Variants in ADGRL3 observed in about 807,000 individuals in gnomAD.
ADGRL3 encodes the protein adhesion G protein-coupled receptor L3.
Under a neutral mutation model 153.5 loss-of-function variants are expected in ADGRL3, and 62 were observed. That is an observed-to-expected ratio of 0.40 (90% CI 0.33 to 0.50). The LOEUF is 0.50. Ranked by LOEUF, ADGRL3 falls within the 20% of genes least tolerant of loss-of-function variation. The probability of loss-of-function intolerance (pLI) is 0.47; values close to 1 mark genes in which losing one functional copy is unlikely to be tolerated. For synonymous variants in ADGRL3, 710 were observed against 672.5 expected (o/e 1.06, Z -0.86); for missense variants, 1,641 against 1,859.4 (o/e 0.88, Z 2.16).
chr4:61,580,983 A>G (rs1236027933), intron 4 of ADGRL3, among the ~76,000 whole-genome samples: 3 of 152,100 alleles, frequency 2.0e-5, no homozygotes, highest in Non-Finnish European at 4.4e-5. Flanking sequence ...AACTGTGAAC[A>G]CATTTTAAAA....
intron 2 of ADGRL3, among the ~76,000 whole-genome samples, chr4:61,459,836 G>A (rs1299003077): frequency 6.6e-6 from 1 of 151,990 alleles, no homozygotes; most frequent in African/African-American, 2.4e-5. Context: ...TAGTGCAACT[G>A]TGCAAAACTT....
chr4:61,392,563 G>A (rs2096822052), intron 2 of ADGRL3, among the ~76,000 whole-genome samples: 2 of 151,390 alleles, frequency 1.3e-5, no homozygotes, highest in South Asian at 4.2e-4. Flanking sequence ...GCTTGTGCCT[G>A]TAGTCCCAGC....
chr4:61,831,167 G>A (rs2097863649), intron 9 of ADGRL3, among the ~76,000 whole-genome samples: 1 of 152,050 alleles, frequency 6.6e-6, no homozygotes. Flanking sequence ...GGGATTACAG[G>A]CGTGAGCCAC....
At chr4:62,046,791 C>A (rs1249872809) in intron 25 of ADGRL3, among the ~76,000 whole-genome samples, 1 of 151,848 alleles carries the variant, frequency 6.6e-6, no homozygotes, top group African/African-American at 2.4e-5. Flanking sequence ...ATTTCTTAGT[C>A]CCCCTCAAGT....
chr4:61,558,178 A>ATG (rs2098777044), intron 4 of ADGRL3, among the ~76,000 whole-genome samples: 1 of 144,688 alleles, frequency 6.9e-6, no homozygotes, highest in South Asian at 2.1e-4. Context: ...GGAATCATAT[A>ATG]TATATATATA....
intron 5 of ADGRL3, among the ~76,000 whole-genome samples, chr4:61,616,720 T>C (rs1401456837): frequency 1.3e-5 from 2 of 152,348 alleles, no homozygotes; most frequent in East Asian, 3.9e-4. Context: ...CTATTCCTCA[T>C]GCTATATGAT....
intron 9 of ADGRL3, among the ~76,000 whole-genome samples, chr4:61,849,153 T>A (rs185301862): frequency 1.1e-3 from 174 of 152,312 alleles, no homozygotes; most frequent in Middle Eastern, 3.4e-3. Flanking sequence ...GATTCCTTTT[T>A]TCTCCACTTT....
At chr4:61,430,203 G>A (rs895437100) in intron 2 of ADGRL3, among the ~76,000 whole-genome samples, 12 of 152,002 alleles carry the variant, frequency 7.9e-5, no homozygotes, top group African/African-American at 2.2e-4. Context: ...ATCCTATATG[G>A]CTACATATTT....
At chr4:62,048,992 T>A (rs1286013336) in intron 25 of ADGRL3, among the ~76,000 whole-genome samples, 1 of 152,198 alleles carries the variant, frequency 6.6e-6, no homozygotes, top group Non-Finnish European at 1.5e-5. Context: ...GAAATTAGGA[T>A]ATTTTCTGAA....
At chr4:61,847,126 TA>T in intron 9 of ADGRL3, among the ~76,000 whole-genome samples, 1 of 152,014 alleles carries the variant, frequency 6.6e-6, no homozygotes. Flanking sequence ...GGGTATTAGA[TA>T]ACATATTCAA....
At chr4:61,656,600 C>T (rs935050430) in intron 5 of ADGRL3, among the ~76,000 whole-genome samples, 3 of 152,042 alleles carry the variant, frequency 2.0e-5, no homozygotes, top group African/African-American at 7.2e-5. Context: ...GAAAGGCATG[C>T]AAAAGATTTT....
chr4:61,952,066 T>A (rs966743633), intron 17 of ADGRL3, among the ~76,000 whole-genome samples: 4 of 152,188 alleles, frequency 2.6e-5, no homozygotes, highest in Admixed American at 2.0e-4. Context: ...GCTATCTGCA[T>A]GTACATTCTC....
At chr4:61,579,542 G>A (rs2098914410) in intron 4 of ADGRL3, 1 of 496,396 alleles carries the variant, frequency 2.0e-6, no homozygotes, top group Non-Finnish European at 4.0e-6. Context: ...CAATCCTCAG[G>A]TAGACGATTT....
chr4:61,803,234 C>T (rs2097521151), intron 8 of ADGRL3, among the ~76,000 whole-genome samples: 1 of 151,846 alleles, frequency 6.6e-6, no homozygotes, highest in Non-Finnish European at 1.5e-5. Flanking sequence ...TTATTTGAGC[C>T]TTTGTTTATG....
intron 2 of ADGRL3, among the ~76,000 whole-genome samples, chr4:61,440,607 A>G (rs146840793): frequency 2.6e-5 from 4 of 152,276 alleles, no homozygotes; most frequent in African/African-American, 9.6e-5. Flanking sequence ...TGTGATTTTT[A>G]TAAGAGGCTA....
At chr4:61,226,474 G>A (rs1748016428) in intron 1 of ADGRL3, among the ~76,000 whole-genome samples, 1 of 152,026 alleles carries the variant, frequency 6.6e-6, no homozygotes, top group South Asian at 2.1e-4. Context: ...GCACATGTGT[G>A]GTTATTTTAA....
In ADGRL3 at chr4:61,267,833, C is replaced by CTT. The variant is rs5858687; in HGVS notation, c.-240+66075_-240+66076dup. Among the ~76,000 whole-genome samples, 237 of 150,860 alleles carry CTT rather than the reference C, an allele frequency of 1.6e-3. 1 individual carries two copies. Among genetic ancestry groups the CTT allele is most frequent in the African/African-American group, 5.4e-3 (222 of 41,280 alleles). ...GTATGGAGAGTTTTAGTTGACTTCA[C>CTT]TTTTTTTTATTTTAAAGTTTTGATT... On this transcript the variant is annotated intron_variant, in intron 1 of 26. Coordinates refer to ENST00000683033, the MANE Select transcript of ADGRL3 (RefSeq NM_001387552.1).
chr4:61,616,062 A>G, intron 5 of ADGRL3, among the ~76,000 whole-genome samples: 1 of 152,196 alleles, frequency 6.6e-6, no homozygotes, highest in East Asian at 1.9e-4. Flanking sequence ...GAACATTATG[A>G]GGAAATTAGA....
intron 6 of ADGRL3, among the ~76,000 whole-genome samples, chr4:61,710,102 C>G (rs1204445891): frequency 2.0e-5 from 3 of 152,134 alleles, no homozygotes; most frequent in Non-Finnish European, 4.4e-5. Context: ...GAAATGAGTT[C>G]TTCATCTTAT....
Sources: gnomAD v4.1 joint callset for allele counts (sites outside exome capture counted in the v4.1 genomes callset) on GRCh38, gnomAD v4.1.1 for gene constraint, MANE v1.5 for transcripts, NCBI Gene and HGNC (gene_info 2026-07-23, HGNC 2026-07-21) for gene names.